Variants in RPL32 observed in about 807,000 individuals in gnomAD.
The protein encoded by RPL32 is large ribosomal subunit protein eL32.
For synonymous variants in RPL32, 61 were observed against 62.6 expected, an observed-to-expected ratio of 0.98 and a Z score of 0.12; for missense variants, 117 against 173.7, an observed-to-expected ratio of 0.67 and a Z score of 1.83.
intron 3 of RPL32, among the ~76,000 whole-genome samples, chr3:12,838,776 G>GA (rs1440244183): frequency 2.0e-5 from 3 of 152,200 alleles, no homozygotes; most frequent in Non-Finnish European, 4.4e-5. Context: ...ACGAGAAACA[G>GA]AAAATCTATC....
At chr3:12,837,481 T>G (rs2062108531) in intron 3 of RPL32, among the ~76,000 whole-genome samples, 1 of 152,258 alleles carries the variant, frequency 6.6e-6, no homozygotes, top group South Asian at 2.1e-4. Context: ...ACATGTGCAC[T>G]GCAACTGAGT....
chr3:12,837,132 C>G (rs548216537), intron 3 of RPL32, among the ~76,000 whole-genome samples: 3 of 152,216 alleles, frequency 2.0e-5, no homozygotes, highest in African/African-American at 7.2e-5. Context: ...TTCAAAAAAC[C>G]CTCCTGTCCT....
rs781268711 is a variant in RPL32, at chr3:12,836,193, A to G, written c.309T>C (p.Val103=). The stretch of plus-strand genomic sequence containing the variant: ...CGATGGCTTTGCGGTTCTTGGAGGA[A>G]ACATTGTGAGCGATCTCGGCACAGT... The part of the protein sequence containing the change: ...KSYCAEIAHN[V]SSKNRKAIVE... The change falls in exon 4 of 4, where the codon GTT becomes GTC. Residue 103 remains valine (V), a synonymous_variant. Transcript: ENST00000429711. The G allele has an allele frequency of 8.7e-6, 14 of 1,601,146 alleles. No individual in the cohort carries two copies. The highest frequency in any genetic ancestry group is 2.2e-5 in the East Asian group (1 of 44,876).
intron 3 of RPL32, among the ~76,000 whole-genome samples, chr3:12,837,481 T>A (rs2062108531): frequency 6.6e-6 from 1 of 152,258 alleles, no homozygotes; most frequent in Admixed American, 6.5e-5. Context: ...ACATGTGCAC[T>A]GCAACTGAGT....
At chr3:12,837,592 T>C (rs2062109210) in intron 3 of RPL32, among the ~76,000 whole-genome samples, 1 of 152,254 alleles carries the variant, frequency 6.6e-6, no homozygotes, top group Non-Finnish European at 1.5e-5. Flanking sequence ...CCATCTTTTC[T>C]AACAGAAATT....
chr3:12,836,314 T>TGAG lies in RPL32; in HGVS notation c.279-92_279-91insCTC, dbSNP rs2062099944. On this transcript the variant is annotated intron_variant, in intron 3 of 3. Coordinates refer to ENST00000429711, the MANE Select transcript of RPL32 (RefSeq NM_000994.4). ...GAGGCAATGAGTCCCAGCACCAAGC[T>TGAG]AAGAGAGGGCTGCTTGGTAAGTGGC... 4 of 1,496,508 alleles carry TGAG rather than the reference T, an allele frequency of 2.7e-6. No homozygotes were observed. The Admixed American group carries it at 6.9e-5, about 26-fold the overall frequency. 92.7% of individuals were successfully genotyped at this position (1,496,508 alleles called of 1,614,324 possible).
chr3:12,839,118 T>C, intron 3 of RPL32: 1 of 592,620 alleles, frequency 1.7e-6, no homozygotes. Flanking sequence ...TTTCCTGGTC[T>C]TGGGTCTCTA....
In RPL32 at chr3:12,840,258, C is replaced by T. The variant is rs7627602; in HGVS notation, c.-5-16G>A. On this transcript the variant is annotated splice_polypyrimidine_tract_variant and intron_variant, in intron 1 of 3. Transcript: ENST00000429711. ...GCCATGATGCCTTTTGGGGAAGAAG[C>T]GGCCCCAGGTGAGGAAGAATCCTGG... 0.13 allele frequency: 201,868 copies of T among 1,582,882 alleles called. 15,597 individuals carry two copies. Among genetic ancestry groups the T allele is most frequent in the African/African-American group, 0.35 (26,230 of 74,340 alleles).
chr3:12,836,527 G>C (rs948127847), intron 3 of RPL32, among the ~76,000 whole-genome samples: 2 of 152,114 alleles, frequency 1.3e-5, no homozygotes, highest in African/African-American at 4.8e-5. Context: ...GGGATCCGGG[G>C]CGAACCCAGG....
rs2062088225 is a variant in RPL32, at chr3:12,834,995, A to G, written c.*1099T>C. 6.6e-6 allele frequency: 1 copy of G among 152,206 alleles called. No individual in the cohort carries two copies. Among genetic ancestry groups the G allele is most frequent in the Non-Finnish European group, 1.5e-5 (1 of 68,036 alleles). The allele number at this position is 152,206 out of a possible 1,614,324, so 9.4% of individuals were successfully genotyped here. ...ATGACTAGGTTTTGAACAGGAGACA[A>G]TCTGTAAGATTCCTGTCTAGACTAG... On this transcript the variant is annotated 3_prime_UTR_variant, in exon 4 of 4. Transcript: ENST00000429711.
Position 12,835,728 on chromosome 3 carries a change from T to G in RPL32, c.*366A>C. 5.3e-6 allele frequency: 1 copy of G among 189,414 alleles called. No individual in the cohort carries two copies. Among genetic ancestry groups the G allele is most frequent in the Non-Finnish European group, 1.1e-5 (1 of 90,902 alleles). The allele number at this position is 189,414 out of a possible 1,614,324, so 11.7% of individuals were successfully genotyped here. A position where few individuals can be genotyped will look rare whatever the true frequency, so the allele number is the denominator to read the frequency against. On this transcript the variant is annotated 3_prime_UTR_variant, in exon 4 of 4. Coordinates refer to ENST00000429711, the MANE Select transcript of RPL32 (RefSeq NM_000994.4). ...CAATTCTCACAAGCATCACATGGAATAACTTGTCACCTAACTTTACAAAAG... is the reference window on the plus strand; with the variant it reads ...CAATTCTCACAAGCATCACATGGAAGAACTTGTCACCTAACTTTACAAAAG...
rs2062096882 is a variant in RPL32 at position 12,836,028 on chromosome 3, AAGGAAGGAAGATGCC to A, written c.*51_*65del. On this transcript the variant is annotated 3_prime_UTR_variant, in exon 4 of 4. Transcript: ENST00000429711. Reference sequence around the variant, plus strand: ...GCCAAGAAGCTGAAGACTTAAAATCAAGGAAGGAAGATGCCAGATGGCAGTTTTTACATTTATTTA... The same window carrying A: ...GCCAAGAAGCTGAAGACTTAAAATCAAGATGGCAGTTTTTACATTTATTTA... 6.3e-7 allele frequency: 1 copy of A among 1,584,694 alleles called. No homozygotes were observed. Among genetic ancestry groups the A allele is most frequent in the Non-Finnish European group, 8.6e-7 (1 of 1,164,070 alleles).
At chr3:12,839,638 G>A (rs1368201982) in intron 2 of RPL32, 108 bp from the exon 3 acceptor site, 2 of 1,084,266 alleles carry the variant, frequency 1.8e-6, no homozygotes, top group Non-Finnish European at 2.8e-6. Flanking sequence ...CCACACAGTA[G>A]TTGCCTTTGG....
At chr3:12,840,011 C>G (rs1258204358) in intron 2 of RPL32, 131 bp downstream of exon 2, 2 of 778,114 alleles carry the variant, frequency 2.6e-6, no homozygotes, top group Non-Finnish European at 4.5e-6. Flanking sequence ...CTGGGGGAGA[C>G]CTGTATTTCT....
intron 1 of RPL32, chr3:12,840,812 C>G: frequency 3.8e-6 from 1 of 260,148 alleles, no homozygotes; most frequent in South Asian, 4.1e-5. Flanking sequence ...AGTATCAACT[C>G]ACACCTTCCT....
At position 12,834,621 on chromosome 3, in the gene RPL32, AG is replaced by A. The variant is rs2062084599; in HGVS notation, c.*1472del. 1 of 152,558 alleles carries A rather than the reference AG, an allele frequency of 6.6e-6. No homozygotes were observed. Among genetic ancestry groups the A allele is most frequent in the Non-Finnish European group, 1.5e-5 (1 of 68,302 alleles). 9.5% of individuals were successfully genotyped at this position (152,558 alleles called of 1,614,324 possible). A position where few individuals can be genotyped will look rare whatever the true frequency, so the allele number is the denominator to read the frequency against. On this transcript the variant is annotated 3_prime_UTR_variant, in exon 4 of 4. Transcript: ENST00000429711. ...CATTTCTAATTTCAAAATACTTATTAGCAAATTGGGCAACAATGGGCATCTT... is the reference window on the plus strand; with the variant it reads ...CATTTCTAATTTCAAAATACTTATTACAAATTGGGCAACAATGGGCATCTT...
intron 3 of RPL32, chr3:12,838,929 G>A (rs2062123192): frequency 3.9e-6 from 1 of 254,646 alleles, no homozygotes; most frequent in East Asian, 1.0e-4. Flanking sequence ...GTCTCCCAAG[G>A]GCTGTGTCAC....
rs993501385 is a variant in RPL32, at chr3:12,834,693, G to C, written c.*1401C>G. The C allele has an allele frequency of 2.6e-5, 4 of 152,356 alleles. No homozygotes were observed. The highest frequency in any genetic ancestry group is 4.4e-5 in the Non-Finnish European group (3 of 68,164). The allele number at this position is 152,356 out of a possible 1,614,324, so 9.4% of individuals were successfully genotyped here. On this transcript the variant is annotated 3_prime_UTR_variant, in exon 4 of 4. Transcript: ENST00000429711. Reference sequence around the variant, plus strand: ...AACCAGTTGGTTTGTTTCCTTCTGAGGAAGGTTTCAAATGTGTCTAGTGTT... The same window carrying C: ...AACCAGTTGGTTTGTTTCCTTCTGACGAAGGTTTCAAATGTGTCTAGTGTT...
rs986683327 is a variant in RPL32 at position 12,835,466 on chromosome 3, T to C, written c.*628A>G. 2 of 152,474 alleles carry C rather than the reference T, an allele frequency of 1.3e-5. No homozygotes were observed. The highest frequency in any genetic ancestry group is 6.5e-5 in the Admixed American group (1 of 15,304). 9.4% of individuals were successfully genotyped at this position (152,474 alleles called of 1,614,324 possible). ...CTGAGTACCAGTCAAGAGGCTCAAT[T>C]GTCACCAGTTAGGTCCCCGCCTTGG... On this transcript the variant is annotated 3_prime_UTR_variant, in exon 4 of 4. Transcript: ENST00000429711.
Sources: allele counts gnomAD v4.1 joint callset (sites outside exome capture counted in the v4.1 genomes callset), GRCh38; gene constraint gnomAD v4.1.1; transcripts MANE v1.5; gene names NCBI Gene and HGNC (gene_info 2026-07-23, HGNC 2026-07-21).